Variants in CCDC146 observed in about 807,000 individuals in gnomAD.
The protein encoded by CCDC146 is coiled-coil domain containing 146.
In CCDC146, 92 loss-of-function variants were observed where a neutral mutation model predicts 119.3. The observed-to-expected ratio is 0.77, with a 90% CI of 0.65 to 0.92. The LOEUF (loss-of-function observed/expected upper bound fraction) is 0.92, where lower values mean the gene tolerates loss of function less well. CCDC146 is among the 40% of genes least tolerant of loss of function. The probability of loss-of-function intolerance (pLI) is 0.00; values close to 1 mark genes in which losing one functional copy is unlikely to be tolerated. For missense variants in CCDC146, 1,000 were observed against 1,103.0 expected (o/e 0.91, Z 1.32); for synonymous variants, 372 against 371.8 (o/e 1.00, Z -0.01).
intron 15 of CCDC146, 97 bp from the exon 16 acceptor site, chr7:77,286,701 G>T: frequency 8.8e-7 from 1 of 1,136,206 alleles, no homozygotes; most frequent in Non-Finnish European, 1.3e-6. Flanking sequence ...TGTCTGGGTT[G>T]GTCCTACTAA....
At chr7:77,134,863 C>T (rs867475123) in intron 1 of CCDC146, among the ~76,000 whole-genome samples, 22 of 152,208 alleles carry the variant, frequency 1.4e-4, no homozygotes, top group Middle Eastern at 6.8e-3. Flanking sequence ...AAGACATAAA[C>T]AGATACAAAT....
chr7:77,142,738 A>G (rs1790955552), intron 1 of CCDC146, among the ~76,000 whole-genome samples: 1 of 151,774 alleles, frequency 6.6e-6, no homozygotes, highest in Non-Finnish European at 1.5e-5. Context: ...TATGAAGGAC[A>G]TGAACTCATC....
At chr7:77,184,584 TAC>T (rs1562825709) in intron 2 of CCDC146, among the ~76,000 whole-genome samples, 1 of 152,218 alleles carries the variant, frequency 6.6e-6, no homozygotes, top group Non-Finnish European at 1.5e-5. Context: ...CTTTGCTGTT[TAC>T]ACAAAAAGTC....
At chr7:77,231,489 G>A (rs950058968) in intron 2 of CCDC146, among the ~76,000 whole-genome samples, 6 of 152,080 alleles carry the variant, frequency 3.9e-5, no homozygotes, top group Admixed American at 1.3e-4. Flanking sequence ...TGGGGTCTTG[G>A]AGCACATCCC....
rs1018932222 is a variant in CCDC146 at position 77,264,755 on chromosome 7, G to A, written c.1173+2448G>A. Among the ~76,000 whole-genome samples the A allele has an allele frequency of 7.1e-4, 108 of 152,042 alleles. 1 individual carries two copies. The highest frequency in any genetic ancestry group is 1.3e-4 in the Non-Finnish European group (9 of 68,020). On this transcript the variant is annotated intron_variant, in intron 9 of 18. Coordinates refer to ENST00000285871, the MANE Select transcript of CCDC146 (RefSeq NM_020879.3). Reference sequence around the variant, plus strand: ...CTTTTGCTTTCTCTGTATCCCATCCGCTTCATGTTCCATTTTCTCTCCCAC... The same window carrying A: ...CTTTTGCTTTCTCTGTATCCCATCCACTTCATGTTCCATTTTCTCTCCCAC...
chr7:77,235,024 T>C (rs1216628419), intron 2 of CCDC146, among the ~76,000 whole-genome samples: 2 of 152,200 alleles, frequency 1.3e-5, no homozygotes, highest in Non-Finnish European at 2.9e-5. Context: ...GAAACCCCAC[T>C]GTATAGACTC....
chr7:77,174,428 T>G (rs1791472352), intron 2 of CCDC146, among the ~76,000 whole-genome samples: 1 of 152,234 alleles, frequency 6.6e-6, no homozygotes, highest in African/African-American at 2.4e-5. Context: ...ATAGGCAGTG[T>G]ACACGGAATA....
At chr7:77,161,170 C>T (rs1791255090) in intron 1 of CCDC146, among the ~76,000 whole-genome samples, 1 of 152,130 alleles carries the variant, frequency 6.6e-6, no homozygotes, top group Admixed American at 6.5e-5. Context: ...GAAATAGGAA[C>T]ACTTTTACAC....
In CCDC146 at chr7:77,278,761, A is replaced by G; in HGVS notation, c.1450A>G (p.Thr484Ala). The change falls in exon 12 of 19, where the codon ACC (threonine) becomes GCC (alanine). Residue 484 changes from threonine (T) to alanine (A), a missense_variant. Thr to Ala is a moderately conservative substitution (Grantham distance 58). This residue lies in a region of CCDC146 where 985 missense variants were observed against 1,045.3 expected (regional missense o/e 0.94). Transcript: ENST00000285871. The stretch of plus-strand genomic sequence containing the variant: ...TTTTTGTACATTTCAGCAAAAATAC[A>G]CCAACATTGTTAAAGAAATGAAAGC... ...KDFLKAQQKY[T>A]NIVKEMKAKD... 6.2e-7 allele frequency: 1 copy of G among 1,610,134 alleles called. No individual in the cohort carries two copies.
At chr7:77,131,501 T>G (rs981245175) in intron 1 of CCDC146, among the ~76,000 whole-genome samples, 3 of 152,008 alleles carry the variant, frequency 2.0e-5, no homozygotes, top group African/African-American at 7.3e-5. Context: ...GCTGATTACT[T>G]GAGGTCAGAA....
intron 2 of CCDC146, among the ~76,000 whole-genome samples, chr7:77,211,226 T>C (rs1792176002): frequency 6.6e-6 from 1 of 152,190 alleles, no homozygotes; most frequent in Non-Finnish European, 1.5e-5. Flanking sequence ...ATCATTTTTT[T>C]CTTGTGGTTC....
chr7:77,154,629 A>T (rs985134940), intron 1 of CCDC146, among the ~76,000 whole-genome samples: 1 of 152,064 alleles, frequency 6.6e-6, no homozygotes, highest in Non-Finnish European at 1.5e-5. Flanking sequence ...TACAAAGGAC[A>T]TGAACTCATC....
At chr7:77,232,316 C>T (rs1792646167) in intron 2 of CCDC146, among the ~76,000 whole-genome samples, 1 of 152,062 alleles carries the variant, frequency 6.6e-6, no homozygotes, top group Admixed American at 6.6e-5. Context: ...CTTGGAAGTA[C>T]CCTGTCTGGT....
chr7:77,268,609 G>A (rs916872100), intron 9 of CCDC146, among the ~76,000 whole-genome samples: 1 of 152,170 alleles, frequency 6.6e-6, no homozygotes, highest in Non-Finnish European at 1.5e-5. Context: ...CCTTTTGGAG[G>A]AGGGGACATG....
chr7:77,135,572 C>T (rs1790850553), intron 1 of CCDC146, among the ~76,000 whole-genome samples: 1 of 152,116 alleles, frequency 6.6e-6, no homozygotes, highest in Non-Finnish European at 1.5e-5. Context: ...TTGTTTATAT[C>T]AGTTAGCCTA....
chr7:77,225,871 A>T (rs1740092623), intron 2 of CCDC146, among the ~76,000 whole-genome samples: 1 of 152,086 alleles, frequency 6.6e-6, no homozygotes, highest in South Asian at 2.1e-4. Context: ...TGAACCCTGG[A>T]GGCGGAGGTT....
intron 2 of CCDC146, among the ~76,000 whole-genome samples, chr7:77,168,409 C>G (rs1256734215): frequency 1.3e-5 from 2 of 150,502 alleles, no homozygotes; most frequent in Non-Finnish European, 3.0e-5. Flanking sequence ...CCTTGTCATG[C>G]CTGAGAGCTA....
chr7:77,199,929 A>G (rs558509872), intron 2 of CCDC146: 6 of 1,025,774 alleles, frequency 5.8e-6, no homozygotes, highest in Admixed American at 2.7e-5. Context: ...AGAAACGCAC[A>G]GGAAGAGGAG....
intron 2 of CCDC146, among the ~76,000 whole-genome samples, chr7:77,180,364 A>G (rs1169189625): frequency 1.3e-5 from 2 of 152,150 alleles, no homozygotes; most frequent in Admixed American, 6.6e-5. Flanking sequence ...GGCTGTTGTG[A>G]ATAATCTGCT....
Sources: gnomAD v4.1 joint callset for allele counts (sites outside exome capture counted in the v4.1 genomes callset) on GRCh38, gnomAD v4.1.1 for gene constraint, gnomAD v4.1.1 regional missense constraint, MANE v1.5 for transcripts, NCBI Gene and HGNC (gene_info 2026-07-23, HGNC 2026-07-21) for gene names.